KLF12: variants seen among roughly 807,000 people sequenced by gnomAD.
KLF12 encodes the protein KLF transcription factor 12.
Under a neutral mutation model 37.8 loss-of-function variants are expected in KLF12, and 9 were observed. The ratio of observed to expected loss-of-function variants is 0.24; its 90% CI spans 0.14 to 0.42. The LOEUF is 0.42. KLF12 is among the 10% of genes least tolerant of loss of function. The pLI is 1.00. For synonymous variants in KLF12, 208 were observed against 202.1 expected (o/e 1.03, Z -0.25); for missense variants, 411 against 516.0 (o/e 0.80, Z 1.97).
At chr13:73,724,892 C>A (rs1163867201) in intron 6 of KLF12, among the ~76,000 whole-genome samples, 1 of 152,040 alleles carries the variant, frequency 6.6e-6, no homozygotes, top group Admixed American at 6.6e-5. Context: ...GGTACTTTTA[C>A]TTAGTAGGAA....
chr13:73,964,780 G>C (rs1239954873), intron 2 of KLF12, among the ~76,000 whole-genome samples: 2 of 152,066 alleles, frequency 1.3e-5, no homozygotes, highest in South Asian at 2.1e-4. Flanking sequence ...CCAAGTGTTC[G>C]AGACTGGCGT....
intron 3 of KLF12, among the ~76,000 whole-genome samples, chr13:73,874,743 A>G (rs1433414435): frequency 6.6e-6 from 1 of 152,196 alleles, no homozygotes; most frequent in East Asian, 1.9e-4. Flanking sequence ...ACTAAGAAAC[A>G]TGGGCCAACT....
chr13:73,871,791 A>G (rs1374766927), intron 3 of KLF12, among the ~76,000 whole-genome samples: 3 of 152,186 alleles, frequency 2.0e-5, no homozygotes, highest in Non-Finnish European at 4.4e-5. Context: ...CCAGAATCCC[A>G]TAATACATTT....
intron 7 of KLF12, among the ~76,000 whole-genome samples, chr13:73,707,468 C>G (rs1340547334): frequency 6.6e-6 from 1 of 152,122 alleles, no homozygotes; most frequent in African/African-American, 2.4e-5. Context: ...AGCTCATATT[C>G]ATGAGCTATT....
chr13:74,001,153 C>T (rs1892271800), intron 1 of KLF12, among the ~76,000 whole-genome samples: 1 of 152,186 alleles, frequency 6.6e-6, no homozygotes. Flanking sequence ...ATGAAGAACA[C>T]TCACATCTTT....
upstream of KLF12, among the ~76,000 whole-genome samples, chr13:74,138,023 C>T (rs946294050): frequency 7.2e-5 from 11 of 152,260 alleles, no homozygotes; most frequent in Non-Finnish European, 1.5e-4. Flanking sequence ...CCCAAAGTGC[C>T]GGGATTACAG....
intron 6 of KLF12, among the ~76,000 whole-genome samples, chr13:73,730,655 A>G (rs770261656): frequency 1.3e-4 from 20 of 152,246 alleles, no homozygotes; most frequent in Admixed American, 1.3e-4. Flanking sequence ...GGCAAGCTTA[A>G]TAGAGGACAC....
chr13:74,240,042 T>C, the KLF12 span, among the ~76,000 whole-genome samples: 1 of 152,166 alleles, frequency 6.6e-6, no homozygotes, highest in African/African-American at 2.4e-5. Context: ...CTAGTCTCGA[T>C]GGTCTTTACA....
intron 1 of KLF12, among the ~76,000 whole-genome samples, chr13:74,066,456 G>A (rs1373963729): frequency 6.6e-6 from 1 of 152,030 alleles, no homozygotes; most frequent in African/African-American, 2.4e-5. Context: ...GAGCTCAGGA[G>A]TTCAAGACTA....
chr13:74,155,768 T>C, the KLF12 span, among the ~76,000 whole-genome samples: 1 of 152,212 alleles, frequency 6.6e-6, no homozygotes, highest in African/African-American at 2.4e-5. Context: ...CTTCCGCTGG[T>C]GATATATTCC....
intron 4 of KLF12, among the ~76,000 whole-genome samples, chr13:73,821,263 C>T (rs1256675894): frequency 6.6e-6 from 1 of 152,124 alleles, no homozygotes; most frequent in African/African-American, 2.4e-5. Context: ...CAAAGAATTC[C>T]ATAATTTCCC....
intron 4 of KLF12, among the ~76,000 whole-genome samples, chr13:73,815,584 A>G (rs1883171243): frequency 1.3e-5 from 2 of 152,204 alleles, no homozygotes; most frequent in Admixed American, 6.5e-5. Context: ...CAAGAAAATG[A>G]ATATCAGATC....
In KLF12 at chr13:73,960,266, T is replaced by TG. The variant is rs1890979555; in HGVS notation, c.34-16197dup. 4.7e-5 allele frequency: 9 copies of TG among 192,764 alleles called. No individual in the cohort carries two copies. In the South Asian group the frequency reaches 6.3e-4, roughly 13 times the overall value. The allele number at this position is 192,764 out of a possible 1,614,324, so 11.9% of individuals were successfully genotyped here. Reference sequence around the variant, plus strand: ...TCACAAAGAAGTGAAAAAAACAGTATGTTCCTATAACTTTAAAAATAATGC... The same window carrying TG: ...TCACAAAGAAGTGAAAAAAACAGTATGGTTCCTATAACTTTAAAAATAATGC... On this transcript the variant is annotated intron_variant, in intron 2 of 7. Transcript: ENST00000377669.
intron 3 of KLF12, among the ~76,000 whole-genome samples, chr13:73,891,132 G>C (rs1887484954): frequency 1.3e-5 from 2 of 152,040 alleles, no homozygotes; most frequent in Non-Finnish European, 2.9e-5. Context: ...AAAGGAAGCA[G>C]AAAGCAGAAA....
intron 1 of KLF12, among the ~76,000 whole-genome samples, chr13:74,070,261 A>C (rs1874152066): frequency 2.0e-5 from 3 of 152,224 alleles, no homozygotes; most frequent in Admixed American, 2.0e-4. Context: ...AACCACATCA[A>C]ATGCAAAAGC....
intron 5 of KLF12, among the ~76,000 whole-genome samples, chr13:73,804,889 C>T (rs888813567): frequency 2.0e-5 from 3 of 152,204 alleles, no homozygotes; most frequent in Admixed American, 2.0e-4. Context: ...AACGAAGCAT[C>T]TTTTAATGTG....
intron 4 of KLF12, among the ~76,000 whole-genome samples, chr13:73,843,408 G>A (rs1039996890): frequency 2.0e-5 from 3 of 151,640 alleles, no homozygotes; most frequent in East Asian, 3.9e-4. Flanking sequence ...GGGTTTAAGC[G>A]ATGATTCTCC....
chr13:73,805,256 T>G (rs1202190873), intron 5 of KLF12, among the ~76,000 whole-genome samples: 1 of 152,174 alleles, frequency 6.6e-6, no homozygotes, highest in African/African-American at 2.4e-5. Context: ...TATCAGAGAA[T>G]GTATTTAATA....
intron 4 of KLF12, among the ~76,000 whole-genome samples, chr13:73,823,139 C>T (rs1300299224): frequency 6.6e-6 from 1 of 152,060 alleles, no homozygotes; most frequent in Non-Finnish European, 1.5e-5. Context: ...TGGTCTGTTG[C>T]CCCTATCTGT....
Sources: allele counts gnomAD v4.1 joint callset (sites outside exome capture counted in the v4.1 genomes callset), GRCh38; gene constraint gnomAD v4.1.1; transcripts MANE v1.5; gene names NCBI Gene and HGNC (gene_info 2026-07-23, HGNC 2026-07-21).